Variants in LRRC37A2 observed in about 807,000 individuals in gnomAD.
LRRC37A2 encodes the protein leucine rich repeat containing 37 member A2.
LRRC37A2 carries 9 observed loss-of-function variants against 68.8 expected under a neutral mutation model. The observed-to-expected ratio is 0.13, with a 90% CI of 0.08 to 0.23. LRRC37A2 has a LOEUF of 0.23. LRRC37A2 is among the 10% of genes least tolerant of loss of function. LRRC37A2 has a pLI of 1.00. For synonymous variants in LRRC37A2, 63 were observed against 367.6 expected, an observed-to-expected ratio of 0.17 and a Z score of 9.48; for missense variants, 168 against 950.4, an observed-to-expected ratio of 0.18 and a Z score of 10.82.
chr17:46,714,607 ATC>A, the LRRC37A2 span, among the ~76,000 whole-genome samples: 2 of 152,330 alleles, frequency 1.3e-5, no homozygotes, highest in African/African-American at 4.8e-5. Context: ...CATTTGGTCC[ATC>A]TCTCTTACAT....
chr17:46,997,824 G>A, the LRRC37A2 span, among the ~76,000 whole-genome samples: 1 of 152,258 alleles, frequency 6.6e-6, no homozygotes, highest in East Asian at 1.9e-4. Flanking sequence ...ACAAAAATTT[G>A]CCGGGCATGG....
chr17:46,544,269 G>C (rs149817251), intron 8 of LRRC37A2, among the ~76,000 whole-genome samples: 1,651 of 8,554 alleles, frequency 0.19, no homozygotes, highest in Middle Eastern at 0.33. Context: ...TCCTTTATAG[G>C]TTTGAAAGAT....
At chr17:46,939,199 C>G in the LRRC37A2 span, 2 of 1,078,732 alleles carry the variant, frequency 1.9e-6, no homozygotes, top group Non-Finnish European at 2.3e-6. Flanking sequence ...GGAAAGAGGC[C>G]TTTTCTCACA....
chr17:46,896,392 G>A, the LRRC37A2 span, among the ~76,000 whole-genome samples: 111 of 88,818 alleles, frequency 1.2e-3, no homozygotes, highest in Non-Finnish European at 1.8e-3. Context: ...AAGAAAGAAA[G>A]AGAAAGAAAG....
the LRRC37A2 span, among the ~76,000 whole-genome samples, chr17:46,910,500 A>G: frequency 3.8e-4 from 58 of 152,208 alleles, no homozygotes; most frequent in Admixed American, 3.7e-3. Flanking sequence ...TAATTCCTGA[A>G]GATGTCCTCT....
At chr17:46,932,123 TC>T in the LRRC37A2 span, 3 of 1,613,886 alleles carry the variant, frequency 1.9e-6, no homozygotes, top group Admixed American at 5.0e-5. Context: ...CTCAGAAACT[TC>T]CAGCATCGGC....
the LRRC37A2 span, among the ~76,000 whole-genome samples, chr17:46,752,488 C>T: frequency 6.6e-6 from 1 of 152,182 alleles, no homozygotes. Context: ...CAGGGTCTCG[C>T]TCTGTCTCCC....
chr17:46,976,688 G>A, the LRRC37A2 span, among the ~76,000 whole-genome samples: 5 of 152,180 alleles, frequency 3.3e-5, no homozygotes, highest in Admixed American at 6.5e-5. Context: ...GTGGAAAAGC[G>A]TGTAAGCCTG....
At chr17:46,697,262 G>T in the LRRC37A2 span, among the ~76,000 whole-genome samples, 1 of 122,498 alleles carries the variant, frequency 8.2e-6, no homozygotes, top group Admixed American at 9.1e-5. Context: ...CCAGGCTGGA[G>T]TGCAGTGGCA....
the LRRC37A2 span, among the ~76,000 whole-genome samples, chr17:46,830,276 A>G: frequency 6.6e-6 from 1 of 151,882 alleles, no homozygotes; most frequent in Non-Finnish European, 1.5e-5. Context: ...TTTTGAGATG[A>G]GGTCTCGCTC....
At chr17:46,770,089 C>T in the LRRC37A2 span, 2 of 1,502,400 alleles carry the variant, frequency 1.3e-6, no homozygotes. Flanking sequence ...AGGACCCGGC[C>T]TGGGAGCGCC....
chr17:47,016,103 C>G, the LRRC37A2 span, among the ~76,000 whole-genome samples: 1 of 152,164 alleles, frequency 6.6e-6, no homozygotes, highest in Non-Finnish European at 1.5e-5. Flanking sequence ...CACCACCACA[C>G]ATGGCTAATT....
At chr17:47,025,156 AAAC>A in the LRRC37A2 span, among the ~76,000 whole-genome samples, 4 of 152,354 alleles carry the variant, frequency 2.6e-5, no homozygotes, top group East Asian at 3.9e-4. Context: ...AAAAGAAAAG[AAAC>A]AAAGAGAAAT....
the LRRC37A2 span, among the ~76,000 whole-genome samples, chr17:46,783,144 T>C: frequency 2.1e-3 from 319 of 152,256 alleles, 2 homozygotes; most frequent in Non-Finnish European, 3.6e-3. Flanking sequence ...CACCCTTGCC[T>C]ATGTCTAGGA....
the LRRC37A2 span, among the ~76,000 whole-genome samples, chr17:46,723,096 C>G: frequency 9.9e-5 from 15 of 152,198 alleles, no homozygotes; most frequent in Non-Finnish European, 1.9e-4. Context: ...GGTGAGACTA[C>G]ATACCATGTA....
chr17:46,956,146 C>T, the LRRC37A2 span, among the ~76,000 whole-genome samples: 1 of 152,132 alleles, frequency 6.6e-6, no homozygotes, highest in Non-Finnish European at 1.5e-5. Context: ...AAAACCGATT[C>T]ACAGCACATA....
chr17:46,935,310 C>T, the LRRC37A2 span: 3 of 1,536,028 alleles, frequency 2.0e-6, no homozygotes, highest in Non-Finnish European at 1.8e-6. Context: ...AGTTTGGGAT[C>T]CTTTCTGTTG....
the LRRC37A2 span, among the ~76,000 whole-genome samples, chr17:46,826,746 G>A: frequency 5.3e-5 from 8 of 151,340 alleles, no homozygotes; most frequent in African/African-American, 1.9e-4. Flanking sequence ...TGATCGGTGA[G>A]CATCCACTCC....
chr17:46,996,216 C>A, the LRRC37A2 span, among the ~76,000 whole-genome samples: 10 of 152,340 alleles, frequency 6.6e-5, no homozygotes, highest in East Asian at 1.9e-3. Context: ...CATACAGGAA[C>A]AACGGCTCCT....
Sources: allele counts gnomAD v4.1 joint callset (sites outside exome capture counted in the v4.1 genomes callset), GRCh38; gene constraint gnomAD v4.1.1; transcripts MANE v1.5; gene names NCBI Gene and HGNC (gene_info 2026-07-23, HGNC 2026-07-21).